The following OTOGL variants were observed in gnomAD, a reference collection of about 807,000 sequenced individuals.
OTOGL encodes otogelin like.
Under a neutral mutation model 318.5 loss-of-function variants are expected in OTOGL, and 285 were observed. The observed-to-expected ratio is 0.89, with a 90% confidence interval of 0.81 to 0.99. OTOGL has a LOEUF of 0.99. OTOGL is among the 50% of genes least tolerant of loss of function. OTOGL has a pLI of 0.00. For missense variants in OTOGL, 2,899 were observed against 2,845.6 expected, an observed-to-expected ratio of 1.02 and a Z score of -0.43; for synonymous variants, 987 against 936.5, an observed-to-expected ratio of 1.05 and a Z score of -0.99.
At chr12:80,267,126 T>C (rs1428564675) in intron 21 of OTOGL, 127 bp from the exon 22 acceptor site, 3 of 413,090 alleles carry the variant, frequency 7.3e-6, no homozygotes, top group African/African-American at 4.2e-5. Flanking sequence ...TTGCATGCAG[T>C]CTTGTAGAAT....
intron 37 of OTOGL, among the ~76,000 whole-genome samples, chr12:80,332,413 A>C (rs1372558080): frequency 2.0e-5 from 3 of 152,160 alleles, no homozygotes; most frequent in African/African-American, 7.2e-5. Context: ...TTCAGACTGA[A>C]TATTTTAGAG....
intron 11 of OTOGL, among the ~76,000 whole-genome samples, chr12:80,250,924 G>C (rs536425335): frequency 6.6e-6 from 1 of 152,104 alleles, no homozygotes; most frequent in Non-Finnish European, 1.5e-5. Flanking sequence ...AATTATTTTG[G>C]GGGGAAGCTC....
chr12:80,210,183 T>C (rs1877142143), intron 2 of OTOGL, among the ~76,000 whole-genome samples: 1 of 152,152 alleles, frequency 6.6e-6, no homozygotes, highest in Non-Finnish European at 1.5e-5. Flanking sequence ...TTTGTGGAAC[T>C]AGTTTTACCC....
chr12:80,244,620 G>T (rs1880701310), intron 11 of OTOGL, among the ~76,000 whole-genome samples: 1 of 149,690 alleles, frequency 6.7e-6, no homozygotes, highest in African/African-American at 2.6e-5. Flanking sequence ...GAATAATGCT[G>T]CAATAAACAT....
chr12:80,127,572 T>A (rs1230943012), intron 1 of OTOGL, among the ~76,000 whole-genome samples: 1 of 152,186 alleles, frequency 6.6e-6, no homozygotes, highest in Admixed American at 6.5e-5. Context: ...ATTTCCTGAA[T>A]CTGAATGTTG....
intron 1 of OTOGL, among the ~76,000 whole-genome samples, chr12:80,188,208 T>C (rs534215547): frequency 6.6e-6 from 1 of 152,274 alleles, no homozygotes; most frequent in Non-Finnish European, 1.5e-5. Flanking sequence ...TTAAATTTTA[T>C]GTTCTGGGGA....
chr12:80,251,623 C>A, intron 11 of OTOGL, 70 bp from the exon 12 acceptor site: 1 of 1,215,304 alleles, frequency 8.2e-7, no homozygotes, highest in Admixed American at 2.1e-5. Context: ...TTCTAGGGAT[C>A]AGGACCTCAA....
intron 1 of OTOGL, among the ~76,000 whole-genome samples, chr12:80,161,299 G>A (rs922963923): frequency 1.3e-5 from 2 of 151,532 alleles, no homozygotes; most frequent in African/African-American, 4.8e-5. Context: ...TGAGAGACGT[G>A]GAAAAACTGT....
intron 43 of OTOGL, 23 bp downstream of exon 43, chr12:80,339,287 T>C: frequency 6.9e-7 from 1 of 1,440,416 alleles, no homozygotes; most frequent in African/African-American, 1.5e-5. Context: ...CTTCAAATCT[T>C]GATTTCGTCT....
chr12:80,141,157 G>A (rs568215913), intron 1 of OTOGL, among the ~76,000 whole-genome samples: 4 of 152,128 alleles, frequency 2.6e-5, no homozygotes, highest in East Asian at 3.9e-4. Flanking sequence ...CACATTCCCC[G>A]AGTTCTTAAG....
At chr12:80,161,124 G>T (rs892472466) in intron 1 of OTOGL, among the ~76,000 whole-genome samples, 1 of 151,956 alleles carries the variant, frequency 6.6e-6, no homozygotes, top group Admixed American at 6.6e-5. Context: ...TACAAATTGC[G>T]TTCAGGGTAT....
chr12:80,209,063 ATCTCTTGTGGCTTCAGGAGATATC>A (rs1877034872), intron 1 of OTOGL, among the ~76,000 whole-genome samples: 1 of 152,228 alleles, frequency 6.6e-6, no homozygotes, highest in Non-Finnish European at 1.5e-5. Context: ...AATAATGGTT[ATCTCTTGTGGCTTCAGGAGATATC>A]AAGAGATATT....
At chr12:80,181,365 C>A (rs1420473535) in intron 1 of OTOGL, among the ~76,000 whole-genome samples, 1 of 150,208 alleles carries the variant, frequency 6.7e-6, no homozygotes, top group Non-Finnish European at 1.5e-5. Flanking sequence ...GTAATAATTA[C>A]CTTACAGCAG....
At chr12:80,133,183 G>GA (rs534137854) in intron 1 of OTOGL, among the ~76,000 whole-genome samples, 8 of 151,200 alleles carry the variant, frequency 5.3e-5, no homozygotes, top group East Asian at 1.9e-4. Context: ...AAATTTCCTT[G>GA]AAAAAAAAGA....
At chr12:80,336,645 G>A in intron 40 of OTOGL, 90 bp downstream of exon 40, 2 of 1,458,864 alleles carry the variant, frequency 1.4e-6, no homozygotes, top group Non-Finnish European at 1.9e-6. Flanking sequence ...GGAGGAGGGA[G>A]CTCAAGAACT....
At chr12:80,246,035 T>A (rs1367971521) in intron 11 of OTOGL, among the ~76,000 whole-genome samples, 2 of 150,774 alleles carry the variant, frequency 1.3e-5, no homozygotes, top group African/African-American at 4.9e-5. Flanking sequence ...TTTGCTGAAG[T>A]TGCTTACCAG....
rs117863885 is a variant in OTOGL at position 80,332,913 on chromosome 12, A to T, written c.4349-92A>T. On this transcript the variant is annotated intron_variant, in intron 37 of 58. Coordinates refer to ENST00000547103, the MANE Select transcript of OTOGL (RefSeq NM_001378609.3). ...GGAAGGAATATGTGAAATAATCTATACAAAATTTCTTAGCACAGTTTCTGT... is the reference window on the plus strand; with the variant it reads ...GGAAGGAATATGTGAAATAATCTATTCAAAATTTCTTAGCACAGTTTCTGT... The T allele has an allele frequency of 0.058, 57,071 of 990,258 alleles. 2,016 individuals carry two copies. Among genetic ancestry groups the T allele is most frequent in the Non-Finnish European group, 0.067 (44,031 of 652,356 alleles). The allele number at this position is 990,258 out of a possible 1,614,324, so 61.3% of individuals were successfully genotyped here.
chr12:80,271,285 T>C (rs1219257305), intron 23 of OTOGL, among the ~76,000 whole-genome samples: 2 of 152,100 alleles, frequency 1.3e-5, no homozygotes, highest in East Asian at 3.9e-4. Flanking sequence ...ACTATAGTTA[T>C]GTCTACTTCT....
chr12:80,105,002 A>G (rs1435805657), intron 1 of OTOGL, among the ~76,000 whole-genome samples: 1 of 152,152 alleles, frequency 6.6e-6, no homozygotes, highest in Non-Finnish European at 1.5e-5. Context: ...AGGCTGAGGC[A>G]GGAGAATCGC....
Sources: gnomAD v4.1 joint callset for allele counts (sites outside exome capture counted in the v4.1 genomes callset) on GRCh38, gnomAD v4.1.1 for gene constraint, MANE v1.5 for transcripts, NCBI Gene and HGNC (gene_info 2026-07-23, HGNC 2026-07-21) for gene names.